Variants in TNRC6B observed in about 807,000 individuals in gnomAD.
TNRC6B encodes trinucleotide repeat-containing gene 6B protein.
In TNRC6B, 52 loss-of-function variants were observed where a neutral mutation model predicts 203.6. The ratio of observed to expected loss-of-function variants is 0.26; its 90% CI spans 0.20 to 0.32. TNRC6B has a LOEUF of 0.32. Ranked by LOEUF, TNRC6B falls within the 10% of genes least tolerant of loss-of-function variation. The pLI is 1.00. For missense variants in TNRC6B, 1,923 were observed against 2,286.2 expected, an observed-to-expected ratio of 0.84 and a Z score of 3.24; for synonymous variants, 838 against 845.7, an observed-to-expected ratio of 0.99 and a Z score of 0.16.
chr22:40,264,807 G>T lies in TNRC6B; in HGVS notation c.577G>T (p.Asp193Tyr). The T allele has an allele frequency of 6.2e-7, 1 of 1,614,016 alleles. No homozygotes were observed. The highest frequency in any genetic ancestry group is 8.5e-7 in the Non-Finnish European group (1 of 1,179,900). ...PIHIWDKVIV[D>Y]GSDMEEWPCI... ...TCACATCTGGGACAAGGTGATTGTA[G>T]ACGGGTCTGACATGGAAGAGTGGCC... Residue 193 changes from aspartate to tyrosine, a missense_variant, in exon 5 of 23, where the codon GAC becomes TAC. Asp to Tyr is a radical substitution (Grantham distance 160). Around this residue, in one of 8 missense-constraint regions of TNRC6B, gnomAD observed 614 missense variants for 587.7 expected, o/e 1.04. Coordinates refer to ENST00000454349, the MANE Select transcript of TNRC6B (RefSeq NM_001162501.2).
intron 1 of TNRC6B, among the ~76,000 whole-genome samples, chr22:40,057,151 T>C (rs2067804594): frequency 1.3e-5 from 2 of 152,218 alleles, no homozygotes; most frequent in African/African-American, 4.8e-5. Context: ...ATTATACCTT[T>C]AAACTTCTTA....
chr22:40,088,632 T>TGTG (rs2068122371), intron 1 of TNRC6B, among the ~76,000 whole-genome samples: 1 of 59,958 alleles, frequency 1.7e-5, no homozygotes, highest in Non-Finnish European at 3.9e-5. Flanking sequence ...GTGTGTGTGT[T>TGTG]TTAGTAGAGA....
intron 11 of TNRC6B, among the ~76,000 whole-genome samples, chr22:40,284,057 G>A (rs1305444718): frequency 6.6e-6 from 1 of 152,208 alleles, no homozygotes; most frequent in Non-Finnish European, 1.5e-5. Context: ...TCAGGGTGGC[G>A]AAGCTACTGA....
At chr22:40,154,465 AAAAT>A (rs534543473) in intron 3 of TNRC6B, among the ~76,000 whole-genome samples, 74 of 151,790 alleles carry the variant, frequency 4.9e-4, no homozygotes, top group Admixed American at 1.1e-3. Flanking sequence ...CTCCATCTCA[AAAAT>A]AAATAAATAA....
intron 16 of TNRC6B, 126 bp downstream of exon 16, chr22:40,308,775 GAGGA>G (rs1447542674): frequency 3.5e-6 from 4 of 1,158,110 alleles, no homozygotes; most frequent in African/African-American, 1.6e-5. Flanking sequence ...ATTGCCTGTG[GAGGA>G]AGGTCAGAGT....
chr22:40,073,773 C>T (rs559259430), intron 1 of TNRC6B, among the ~76,000 whole-genome samples: 4 of 151,788 alleles, frequency 2.6e-5, no homozygotes, highest in African/African-American at 9.7e-5. Context: ...AATTAGCAGC[C>T]AGGGCTGGGT....
intron 1 of TNRC6B, among the ~76,000 whole-genome samples, chr22:40,093,422 A>T (rs556363591): frequency 2.0e-5 from 3 of 152,350 alleles, no homozygotes; most frequent in Admixed American, 1.3e-4. Flanking sequence ...TCCAAAATTG[A>T]TGAAATAACT....
chr22:40,091,467 GAAAA>G (rs57865746), intron 1 of TNRC6B, among the ~76,000 whole-genome samples: 1 of 142,108 alleles, frequency 7.0e-6, no homozygotes, highest in Non-Finnish European at 1.6e-5. Flanking sequence ...AAATTGCAAA[GAAAA>G]AAAAAAAGCA....
chr22:40,138,960 T>C (rs2064258), intron 3 of TNRC6B, among the ~76,000 whole-genome samples: 89,872 of 152,170 alleles, frequency 0.59, 29,462 homozygotes, highest in African/African-American at 0.88. Flanking sequence ...CTTTACATCC[T>C]ATAAAACTTA....
chr22:40,077,723 T>TGTGA (rs2068029738), intron 1 of TNRC6B, among the ~76,000 whole-genome samples: 1 of 152,178 alleles, frequency 6.6e-6, no homozygotes, highest in Non-Finnish European at 1.5e-5. Context: ...TGTAATCCTC[T>TGTGA]TACGCTGAGA....
chr22:40,182,709 ACTGAGATAACTC>A (rs1404409587), intron 1 of TNRC6B, among the ~76,000 whole-genome samples: 2 of 152,120 alleles, frequency 1.3e-5, no homozygotes, highest in Middle Eastern at 3.2e-3. Flanking sequence ...TTAGGTTATG[ACTGAGATAACTC>A]CTTAGTTATC....
chr22:40,244,432 G>C (rs1475934820), intron 1 of TNRC6B, among the ~76,000 whole-genome samples: 1 of 151,912 alleles, frequency 6.6e-6, no homozygotes. Context: ...GACAAAGTCA[G>C]TGACAACATG....
upstream of TNRC6B, among the ~76,000 whole-genome samples, chr22:40,175,302 A>G (rs2070021875): frequency 6.6e-6 from 1 of 152,102 alleles, no homozygotes; most frequent in South Asian, 2.1e-4. Flanking sequence ...GGTTCCTGTG[A>G]GCCGATACCA....
chr22:40,232,250 C>T (rs1204915639), intron 1 of TNRC6B, among the ~76,000 whole-genome samples: 1 of 152,112 alleles, frequency 6.6e-6, no homozygotes, highest in Non-Finnish European at 1.5e-5. Flanking sequence ...AGTGGCAGGC[C>T]CACCCTATTT....
chr22:40,313,339 C>A (rs573713238), intron 19 of TNRC6B, among the ~76,000 whole-genome samples: 1 of 152,108 alleles, frequency 6.6e-6, no homozygotes, highest in East Asian at 1.9e-4. Context: ...CCAGTGAAGG[C>A]CAGGTTATTA....
chr22:40,156,221 T>A (rs2068817609), intron 4 of TNRC6B: 2 of 1,544,414 alleles, frequency 1.3e-6, no homozygotes, highest in Non-Finnish European at 1.8e-6. Flanking sequence ...CTATTACAGA[T>A]CCTCGGAAAC....
chr22:40,173,133 T>A (rs1422456604), upstream of TNRC6B, among the ~76,000 whole-genome samples: 3 of 152,164 alleles, frequency 2.0e-5, no homozygotes, highest in African/African-American at 7.2e-5. Flanking sequence ...TTGGTTTTTT[T>A]TTGAGATGGA....
intron 1 of TNRC6B, among the ~76,000 whole-genome samples, chr22:40,081,280 A>ACAT (rs2068061651): frequency 6.6e-6 from 1 of 150,674 alleles, no homozygotes; most frequent in Admixed American, 6.6e-5. Context: ...TATCCAGGGT[A>ACAT]CATGATATTC....
At chr22:40,151,513 C>T (rs1359399852) in intron 3 of TNRC6B, among the ~76,000 whole-genome samples, 10 of 139,150 alleles carry the variant, frequency 7.2e-5, no homozygotes, top group Non-Finnish European at 1.5e-4. Flanking sequence ...ACACTTCAGC[C>T]TGGGCGACAG....
Sources: allele counts gnomAD v4.1 joint callset (sites outside exome capture counted in the v4.1 genomes callset), GRCh38; gene constraint gnomAD v4.1.1; regional missense constraint gnomAD v4.1.1; transcripts MANE v1.5; gene names NCBI Gene and HGNC (gene_info 2026-07-23, HGNC 2026-07-21).